The following GDAP2 variants were observed in gnomAD, a reference collection of about 807,000 sequenced individuals.
The protein encoded by GDAP2 is ganglioside induced differentiation associated protein 2, also known as ganglioside-induced differentiation-associated protein 2.
A neutral mutation model predicts 67.0 loss-of-function variants in GDAP2; 51 were observed. The ratio of observed to expected loss-of-function variants is 0.76; its 90% CI spans 0.61 to 0.96. The LOEUF (loss-of-function observed/expected upper bound fraction) is 0.96, where lower values mean the gene tolerates loss of function less well. GDAP2 is among the 40% of genes least tolerant of loss of function. The probability of loss-of-function intolerance (pLI) is 0.00; values close to 1 mark genes in which losing one functional copy is unlikely to be tolerated. For synonymous variants in GDAP2, 203 were observed against 207.3 expected (o/e 0.98, Z 0.18); for missense variants, 547 against 588.3 (o/e 0.93, Z 0.73).
At chr1:117,911,355 G>A (rs1342398110) in intron 5 of GDAP2, among the ~76,000 whole-genome samples, 1 of 152,190 alleles carries the variant, frequency 6.6e-6, no homozygotes, top group African/African-American at 2.4e-5. Context: ...ATGTGTGAAT[G>A]TGGCTATTTA....
At chr1:117,921,139 TC>T (rs1381839374) in intron 1 of GDAP2, among the ~76,000 whole-genome samples, 1 of 152,176 alleles carries the variant, frequency 6.6e-6, no homozygotes, top group Non-Finnish European at 1.5e-5. Context: ...TGCCTATGAG[TC>T]AAACATCTAT....
At position 117,913,401 on chromosome 1, in the gene GDAP2, A is replaced by ATTTT. The variant is rs74388227; in HGVS notation, c.317-722_317-719dup. ...CCCCAGCCAGCACAGTAAGGTGATG[A>ATTTT]TTTTTTTTTTTTTTTTACCACCAGA... On this transcript the variant is annotated intron_variant, in intron 3 of 13. Transcript: ENST00000369443. The ATTTT allele has an allele frequency of 2.9e-4, 41 of 142,666 alleles. No individual in the cohort carries two copies. In the East Asian group the frequency reaches 3.9e-3, roughly 13 times the overall value. 8.8% of individuals were successfully genotyped at this position (142,666 alleles called of 1,614,324 possible). A position where few individuals can be genotyped will look rare whatever the true frequency, so the allele number is the denominator to read the frequency against.
intron 8 of GDAP2, among the ~76,000 whole-genome samples, chr1:117,891,659 A>T (rs1014630971): frequency 3.6e-4 from 55 of 152,158 alleles, no homozygotes; most frequent in Admixed American, 1.3e-3. Context: ...GTGTTTTGTG[A>T]ATATCTGCCC....
intron 6 of GDAP2, among the ~76,000 whole-genome samples, chr1:117,901,139 T>C (rs964033105): frequency 6.6e-6 from 1 of 152,220 alleles, no homozygotes; most frequent in Non-Finnish European, 1.5e-5. Context: ...TTTAGCATGA[T>C]GTTTTCAAGG....
chr1:117,871,754 A>T (rs772218993), intron 13 of GDAP2, among the ~76,000 whole-genome samples: 9 of 148,016 alleles, frequency 6.1e-5, no homozygotes, highest in African/African-American at 9.9e-5. Flanking sequence ...CAAACAAAAT[A>T]AAAAAAATAG....
rs1240546544 is a variant in GDAP2, at chr1:117,925,178, C to T, written c.-68+4270G>A. Reference sequence around the variant, plus strand: ...TTTGAAAAATACCAAATCGGTTGGACGCAGTGGCTCACACCTGTAATCCCA... The same window carrying T: ...TTTGAAAAATACCAAATCGGTTGGATGCAGTGGCTCACACCTGTAATCCCA... On this transcript the variant is annotated intron_variant, in intron 1 of 13. Coordinates refer to ENST00000369443, the MANE Select transcript of GDAP2 (RefSeq NM_017686.4). Among the ~76,000 whole-genome samples the T allele has an allele frequency of 3.3e-5, 5 of 152,224 alleles. 1 individual carries two copies. Among genetic ancestry groups the T allele is most frequent in the Middle Eastern group, 6.8e-3 (2 of 294 alleles).
chr1:117,897,073 G>A, intron 7 of GDAP2, 84 bp from the exon 8 acceptor site: 2 of 919,088 alleles, frequency 2.2e-6, no homozygotes, highest in Non-Finnish European at 3.2e-6. Context: ...AAGGATGACA[G>A]TGAGGTAACT....
At chr1:117,887,893 A>G (rs1297736774) in intron 8 of GDAP2, 119 bp from the exon 9 acceptor site, 1 of 621,252 alleles carries the variant, frequency 1.6e-6, no homozygotes, top group African/African-American at 1.9e-5. Flanking sequence ...ATTTCATTAT[A>G]ATAGGGAAGG....
At chr1:117,879,389 T>C (rs756271829) in intron 12 of GDAP2, among the ~76,000 whole-genome samples, 4 of 152,070 alleles carry the variant, frequency 2.6e-5, no homozygotes, top group African/African-American at 4.8e-5. Flanking sequence ...TTTAAAAATG[T>C]TGAACTTCAG....
At chr1:117,888,048 T>C (rs762412990) in intron 8 of GDAP2, among the ~76,000 whole-genome samples, 11 of 152,176 alleles carry the variant, frequency 7.2e-5, no homozygotes, top group Admixed American at 2.0e-4. Context: ...ATGGCTAAGA[T>C]ACCAAGTATT....
intron 5 of GDAP2, among the ~76,000 whole-genome samples, chr1:117,908,992 G>C (rs1406905593): frequency 6.6e-6 from 1 of 152,082 alleles, no homozygotes; most frequent in Non-Finnish European, 1.5e-5. Context: ...AATTCTCTCA[G>C]TGGAATTCAT....
At chr1:117,918,304 A>G (rs1318802877) in intron 3 of GDAP2, among the ~76,000 whole-genome samples, 2 of 152,222 alleles carry the variant, frequency 1.3e-5, no homozygotes, top group Admixed American at 6.5e-5. Context: ...GCAAGAAAAT[A>G]TGCAGCCAAG....
chr1:117,893,546 C>T (rs1417539442), intron 8 of GDAP2, among the ~76,000 whole-genome samples: 1 of 152,160 alleles, frequency 6.6e-6, no homozygotes, highest in Admixed American at 6.6e-5. Flanking sequence ...TAAAAACCTA[C>T]TTACTTTTAC....
intron 8 of GDAP2, among the ~76,000 whole-genome samples, chr1:117,889,292 T>G (rs1648985343): frequency 6.6e-6 from 1 of 151,894 alleles, no homozygotes; most frequent in Admixed American, 6.6e-5. Context: ...AATGAACATA[T>G]CCATTATCTC....
At chr1:117,888,410 C>T (rs1445515521) in intron 8 of GDAP2, among the ~76,000 whole-genome samples, 3 of 152,030 alleles carry the variant, frequency 2.0e-5, no homozygotes, top group Non-Finnish European at 2.9e-5. Context: ...TTGGCTTTGG[C>T]TAAGAGGATG....
chr1:117,899,038 T>G lies in GDAP2; in HGVS notation c.796+19A>C. On this transcript the variant is annotated intron_variant, in intron 7 of 13. Coordinates refer to ENST00000369443, the MANE Select transcript of GDAP2 (RefSeq NM_017686.4). ...GGCCCTAAGAGGGAGATTTAAAAAG[T>G]TAGAGCTCTAGAACTCACCTTCTGG... 6.2e-7 allele frequency: 1 copy of G among 1,604,968 alleles called. No individual in the cohort carries two copies. The highest frequency in any genetic ancestry group is 2.2e-5 in the East Asian group (1 of 44,778).
intron 3 of GDAP2, among the ~76,000 whole-genome samples, chr1:117,915,459 C>T (rs748999395): frequency 3.9e-5 from 6 of 152,150 alleles, no homozygotes; most frequent in Non-Finnish European, 7.4e-5. Flanking sequence ...GATAAAATAG[C>T]TGCTGCAAAG....
chr1:117,914,572 G>C (rs757995225), intron 3 of GDAP2, among the ~76,000 whole-genome samples: 1 of 151,978 alleles, frequency 6.6e-6, no homozygotes, highest in Non-Finnish European at 1.5e-5. Flanking sequence ...AAAGACATCA[G>C]TTTCTAGATT....
At chr1:117,915,589 C>T (rs1396895937) in intron 3 of GDAP2, among the ~76,000 whole-genome samples, 1 of 152,094 alleles carries the variant, frequency 6.6e-6, no homozygotes, top group African/African-American at 2.4e-5. Flanking sequence ...TACATGATTA[C>T]CTTATTTTGA....
Sources: allele counts gnomAD v4.1 joint callset (sites outside exome capture counted in the v4.1 genomes callset), GRCh38; gene constraint gnomAD v4.1.1; transcripts MANE v1.5; gene names NCBI Gene and HGNC (gene_info 2026-07-23, HGNC 2026-07-21).